Variants in TTC3 observed in about 807,000 individuals in gnomAD.
TTC3 encodes the protein tetratricopeptide repeat domain 3, also known as E3 ubiquitin-protein ligase TTC3.
TTC3 carries 180 observed loss-of-function variants against 249.6 expected under a neutral mutation model. The ratio of observed to expected loss-of-function variants is 0.72; its 90% confidence interval spans 0.64 to 0.82. The LOEUF (loss-of-function observed/expected upper bound fraction) is 0.82, where lower values mean the gene tolerates loss of function less well. TTC3 is among the 40% of genes least tolerant of loss of function. The pLI, the probability that TTC3 is intolerant of heterozygous loss-of-function variation, is 0.00. For missense variants in TTC3, 2,061 were observed against 2,398.4 expected (o/e 0.86, Z 2.94); for synonymous variants, 717 against 805.0 (o/e 0.89, Z 1.85).
chr21:37,096,117 G>C (rs2073917079), intron 9 of TTC3, among the ~76,000 whole-genome samples: 1 of 152,202 alleles, frequency 6.6e-6, no homozygotes, highest in East Asian at 1.9e-4. Context: ...GTGGAGGAAA[G>C]GGAGATACGT....
chr21:37,192,491 T>TTGTGTGTGTGTG (rs60538841), intron 41 of TTC3, among the ~76,000 whole-genome samples: 18,601 of 140,464 alleles, frequency 0.13, 1,563 homozygotes, highest in African/African-American at 0.22. Flanking sequence ...TCTTCTATCT[T>TTGTGTGTGTGTG]TGTGTGTGTG....
intron 10 of TTC3, chr21:37,098,135 A>G: frequency 2.1e-6 from 1 of 475,692 alleles, no homozygotes; most frequent in South Asian, 3.8e-5. Context: ...GGGTTCTGAC[A>G]AGAAATGAGC....
rs2071017218 is a variant in TTC3 at position 37,077,222 on chromosome 21, C to T, written c.-12+3858C>T. ...ATGTTACTGTGATGTTCTAGAAATT[C>T]ACCCTTTGCAATTATTTAATCTTAT... is the stretch of plus-strand genomic sequence containing the variant. On this transcript the variant is annotated intron_variant, in intron 1 of 45. Coordinates refer to ENST00000355666, the Ensembl canonical transcript of TTC3. Among the ~76,000 whole-genome samples the T allele has an allele frequency of 2.6e-5, 4 of 151,660 alleles. No homozygotes were observed. The Middle Eastern group carries it at 0.01, about 390-fold the overall frequency.
chr21:37,197,027 A>G (rs945288631), intron 42 of TTC3, among the ~76,000 whole-genome samples: 10 of 152,226 alleles, frequency 6.6e-5, no homozygotes, highest in Admixed American at 6.5e-4. Context: ...GATGAGGTAG[A>G]GGCGGTGTCT....
At chr21:37,198,861 T>A (rs886229164) in intron 44 of TTC3, among the ~76,000 whole-genome samples, 4 of 149,426 alleles carry the variant, frequency 2.7e-5, no homozygotes, top group East Asian at 2.0e-4. Context: ...TTTTTTTTTT[T>A]ATTGTGGTTG....
intron 11 of TTC3, among the ~76,000 whole-genome samples, chr21:37,113,724 A>G (rs947117202): frequency 6.6e-6 from 1 of 152,148 alleles, no homozygotes; most frequent in Non-Finnish European, 1.5e-5. Context: ...AGCCCACATT[A>G]CCAAGTCAAT....
intron 11 of TTC3, among the ~76,000 whole-genome samples, chr21:37,116,945 G>T (rs2835604): frequency 0.68 from 103,368 of 152,070 alleles, 35,551 homozygotes; most frequent in African/African-American, 0.76. Flanking sequence ...ATCAGAATTT[G>T]AAGGCCTTAG....
At chr21:37,144,619 G>A (rs759936389) in exon 21 of TTC3, 6 of 1,610,872 alleles carry the variant, frequency 3.7e-6, no homozygotes, top group Non-Finnish European at 5.1e-6. Flanking sequence ...TGTGATTATT[G>A]AAGAGTCTCA....
exon 46 of TTC3, chr21:37,202,541 A>G (rs1054012): frequency 2.0e-5 from 3 of 152,282 alleles, no homozygotes; most frequent in Non-Finnish European, 4.4e-5. Context: ...ACCCTGAGGT[A>G]TCTGTGTTAC....
At chr21:37,139,374 G>A (rs529478859) in intron 19 of TTC3, among the ~76,000 whole-genome samples, 1 of 152,196 alleles carries the variant, frequency 6.6e-6, no homozygotes, top group East Asian at 1.9e-4. Context: ...TGGCTCTCCT[G>A]GAATGTTTAC....
At chr21:37,168,088 A>G (rs1043574226) in intron 34 of TTC3, among the ~76,000 whole-genome samples, 6 of 152,162 alleles carry the variant, frequency 3.9e-5, no homozygotes, top group African/African-American at 7.2e-5. Context: ...AATATGCATC[A>G]TAAGAGAAAA....
At chr21:37,200,134 T>G (rs150134689) in intron 44 of TTC3, 98 bp from the exon 45 acceptor site, 10 of 1,070,142 alleles carry the variant, frequency 9.3e-6, no homozygotes, top group Admixed American at 5.3e-5. Context: ...TGCCACCCTT[T>G]GTGGCAGAAG....
At chr21:37,087,589 A>G (rs2072670678) in intron 2 of TTC3, among the ~76,000 whole-genome samples, 188 bp downstream of exon 2, 1 of 152,170 alleles carries the variant, frequency 6.6e-6, no homozygotes, top group Admixed American at 6.5e-5. Context: ...AGTGCCAGAG[A>G]ATGAGTGGTG....
intron 10 of TTC3, among the ~76,000 whole-genome samples, chr21:37,102,953 C>T (rs531365625): frequency 6.0e-4 from 91 of 152,094 alleles, no homozygotes; most frequent in Non-Finnish European, 1.1e-3. Context: ...GCTGAGATTG[C>T]GCCACTGCAC....
chr21:37,074,654 CA>C (rs1051169060), intron 1 of TTC3, among the ~76,000 whole-genome samples: 3 of 117,156 alleles, frequency 2.6e-5, no homozygotes, highest in Admixed American at 2.4e-4. Flanking sequence ...CTAGTTAGGA[CA>C]TTTTTTGTTG....
chr21:37,109,767 A>G (rs1467803701), intron 11 of TTC3, among the ~76,000 whole-genome samples: 1 of 152,248 alleles, frequency 6.6e-6, no homozygotes, highest in African/African-American at 2.4e-5. Flanking sequence ...TGCCTCCTCA[A>G]GTGGGTCCCT....
chr21:37,081,362 C>T (rs1205638476), intron 1 of TTC3, among the ~76,000 whole-genome samples: 6 of 152,142 alleles, frequency 3.9e-5, no homozygotes, highest in Admixed American at 6.5e-5. Context: ...GTGATCTGTC[C>T]GCCTCAGCCT....
exon 46 of TTC3, chr21:37,201,790 T>C (rs1043101600): frequency 5.9e-5 from 38 of 647,802 alleles, no homozygotes; most frequent in Non-Finnish European, 8.5e-5. Context: ...AAATGACGGC[T>C]ACCACACTCA....
exon 1 of TTC3, chr21:37,073,330 T>TGCC (rs1555996126): frequency 5.7e-6 from 4 of 701,508 alleles, no homozygotes; most frequent in African/African-American, 1.9e-5. Flanking sequence ...CTGCTGCTGC[T>TGCC]GCCCGCGTCC....
Sources: gnomAD v4.1 joint callset for allele counts (sites outside exome capture counted in the v4.1 genomes callset) on GRCh38, gnomAD v4.1.1 for gene constraint, MANE v1.5 for transcripts, NCBI Gene and HGNC (gene_info 2026-07-23, HGNC 2026-07-21) for gene names.